VAMP7: variants seen among roughly 807,000 people sequenced by gnomAD.
VAMP7 encodes vesicle-associated membrane protein 7.
Under a neutral mutation model 29.6 loss-of-function variants are expected in VAMP7, and 14 were observed. The observed-to-expected ratio is 0.47, with a 90% CI of 0.31 to 0.74. The LOEUF is 0.74. Among genes scored for constraint, VAMP7 ranks in the 30% least tolerant of loss-of-function variants. The pLI is 0.05. For missense variants in VAMP7, 223 were observed against 262.4 expected, an observed-to-expected ratio of 0.85 and a Z score of 1.04; for synonymous variants, 95 against 88.1, an observed-to-expected ratio of 1.08 and a Z score of -0.44.
chrX:155,937,711 G>A (rs927596436), intron 6 of VAMP7, among the ~76,000 whole-genome samples: 32 of 152,030 alleles, frequency 2.1e-4, no homozygotes, highest in Admixed American at 5.9e-4. Context: ...TCTTATTTGG[G>A]GGATATTTTC....
intron 5 of VAMP7, among the ~76,000 whole-genome samples, chrX:155,915,794 A>T (rs2066303526): frequency 6.6e-6 from 1 of 152,172 alleles, no homozygotes; most frequent in Non-Finnish European, 1.5e-5. Flanking sequence ...TATGTGATCA[A>T]CTTTAGAATA....
In VAMP7 at chrX:155,942,919, G is replaced by A. The variant is rs1381518725; in HGVS notation, c.*968G>A. 2.6e-5 allele frequency: 4 copies of A among 151,860 alleles called. No individual in the cohort carries two copies. Among genetic ancestry groups the A allele is most frequent in the Admixed American group, 2.6e-4 (4 of 15,228 alleles). 9.4% of individuals were successfully genotyped at this position (151,860 alleles called of 1,614,324 possible). On this transcript the variant is annotated 3_prime_UTR_variant, in exon 8 of 8. Coordinates refer to ENST00000286448, the MANE Select transcript of VAMP7 (RefSeq NM_005638.6). Reference sequence around the variant, plus strand: ...CGAATACGGTCAGCAGTCAACTCCAGGGTTTGGGCTTGATTCCTGTTGAAT... The same window carrying A: ...CGAATACGGTCAGCAGTCAACTCCAAGGTTTGGGCTTGATTCCTGTTGAAT...
intron 1 of VAMP7, among the ~76,000 whole-genome samples, chrX:155,886,725 A>G (rs1338155796): frequency 1.3e-5 from 2 of 152,196 alleles, no homozygotes; most frequent in Non-Finnish European, 2.9e-5. Context: ...TATTTTACAT[A>G]TGTTCTAACC....
chrX:155,887,849 T>A (rs563207201), intron 1 of VAMP7, among the ~76,000 whole-genome samples: 5 of 151,412 alleles, frequency 3.3e-5, no homozygotes, highest in African/African-American at 1.2e-4. Context: ...GAGGATCACT[T>A]GAGCCTGATA....
intron 6 of VAMP7, among the ~76,000 whole-genome samples, chrX:155,939,325 G>A (rs1340487727): frequency 6.6e-6 from 1 of 152,122 alleles, no homozygotes; most frequent in African/African-American, 2.4e-5. Flanking sequence ...TCAAAGCCCC[G>A]GAATTATACG....
chrX:155,908,820 G>C (rs1044247653), intron 5 of VAMP7, among the ~76,000 whole-genome samples: 1 of 151,928 alleles, frequency 6.6e-6, no homozygotes, highest in Non-Finnish European at 1.5e-5. Context: ...GATGGGGTCT[G>C]TCTGTCACCC....
At chrX:155,913,303 T>G (rs1159122937) in intron 5 of VAMP7, among the ~76,000 whole-genome samples, 1 of 152,152 alleles carries the variant, frequency 6.6e-6, no homozygotes, top group Non-Finnish European at 1.5e-5. Flanking sequence ...TTGCAAAAAT[T>G]TTTTCCCATT....
chrX:155,910,098 C>G (rs746989087), intron 5 of VAMP7, among the ~76,000 whole-genome samples: 10 of 152,270 alleles, frequency 6.6e-5, no homozygotes, highest in Non-Finnish European at 1.5e-4. Context: ...ATTCCCTGCT[C>G]GGCCCCACAT....
chrX:155,933,542 T>C (rs1339805390), intron 6 of VAMP7, among the ~76,000 whole-genome samples: 7 of 152,364 alleles, frequency 4.6e-5, no homozygotes, highest in Non-Finnish European at 7.3e-5. Context: ...GTGGGATCGG[T>C]GGTGATATCC....
At chrX:155,885,425 T>C (rs1256626463) in intron 1 of VAMP7, among the ~76,000 whole-genome samples, 1 of 152,186 alleles carries the variant, frequency 6.6e-6, no homozygotes, top group Non-Finnish European at 1.5e-5. Flanking sequence ...GAAGTTTGCA[T>C]TGCTTGTCAG....
At chrX:155,934,145 G>A (rs1162642314) in intron 6 of VAMP7, among the ~76,000 whole-genome samples, 1 of 152,176 alleles carries the variant, frequency 6.6e-6, no homozygotes, top group Non-Finnish European at 1.5e-5. Flanking sequence ...TGGAATAAGT[G>A]CGATGTGGTG....
chrX:155,922,627 G>A (rs2066412295), intron 6 of VAMP7, among the ~76,000 whole-genome samples: 3 of 151,850 alleles, frequency 2.0e-5, no homozygotes, highest in East Asian at 1.9e-4. Flanking sequence ...CAGGAATTTG[G>A]CATCTATGTT....
At chrX:155,903,864 C>T (rs2066106034) in intron 5 of VAMP7, among the ~76,000 whole-genome samples, 1 of 151,978 alleles carries the variant, frequency 6.6e-6, no homozygotes, top group Admixed American at 6.6e-5. Context: ...GGGTATATAC[C>T]CAAGGACTAT....
intron 6 of VAMP7, among the ~76,000 whole-genome samples, chrX:155,934,954 C>T (rs923615473): frequency 6.6e-5 from 10 of 151,966 alleles, no homozygotes; most frequent in South Asian, 2.1e-4. Flanking sequence ...TTTCCTTCAC[C>T]TATGAAGCTT....
At chrX:155,903,548 C>G (rs1286263864) in intron 5 of VAMP7, among the ~76,000 whole-genome samples, 2 of 151,792 alleles carry the variant, frequency 1.3e-5, no homozygotes, top group Non-Finnish European at 2.9e-5. Context: ...GGGCGAAGGA[C>G]ATGAACAGAC....
At chrX:155,884,255 G>A (rs942127821) in intron 1 of VAMP7, among the ~76,000 whole-genome samples, 1 of 151,768 alleles carries the variant, frequency 6.6e-6, no homozygotes, top group African/African-American at 2.4e-5. Context: ...AGCCTCCCAA[G>A]TAGCTGGAAT....
chrX:155,917,492 T>C (rs2066330739), intron 5 of VAMP7, among the ~76,000 whole-genome samples: 1 of 152,220 alleles, frequency 6.6e-6, no homozygotes, highest in Non-Finnish European at 1.5e-5. Flanking sequence ...ATGGGGTTTC[T>C]ATGTGGACAT....
intron 5 of VAMP7, among the ~76,000 whole-genome samples, chrX:155,912,329 T>G (rs185585099): frequency 6.6e-6 from 1 of 152,282 alleles, no homozygotes; most frequent in African/African-American, 2.4e-5. Flanking sequence ...TATTTCAACC[T>G]GACCCATTGC....
At chrX:155,901,188 G>A (rs752926269) in intron 5 of VAMP7, among the ~76,000 whole-genome samples, 1 of 152,080 alleles carries the variant, frequency 6.6e-6, no homozygotes, top group South Asian at 2.1e-4. Flanking sequence ...ATTTTCTTGA[G>A]ATTAATTATC....
Sources: gnomAD v4.1 joint callset for allele counts (sites outside exome capture counted in the v4.1 genomes callset) on GRCh38, gnomAD v4.1.1 for gene constraint, MANE v1.5 for transcripts, NCBI Gene and HGNC (gene_info 2026-07-23, HGNC 2026-07-21) for gene names.